ATOSA: variants seen among roughly 807,000 people sequenced by gnomAD.
ATOSA encodes the protein atos homolog protein A.
At chr15:52,636,906 A>G in the ATOSA span, among the ~76,000 whole-genome samples, 1 of 152,116 alleles carries the variant, frequency 6.6e-6, no homozygotes, top group East Asian at 1.9e-4. Context: ...CACTTGGGGA[A>G]TTTGGGGATG....
chr15:52,589,980 G>A, the ATOSA span, among the ~76,000 whole-genome samples: 1 of 151,994 alleles, frequency 6.6e-6, no homozygotes, highest in South Asian at 2.1e-4. Context: ...TAGAGACGGG[G>A]TTTTACCATG....
the ATOSA span, among the ~76,000 whole-genome samples, chr15:52,616,587 A>G: frequency 6.6e-6 from 1 of 152,082 alleles, no homozygotes; most frequent in Non-Finnish European, 1.5e-5. Flanking sequence ...GTATATATAA[A>G]AGTGTGACCC....
At chr15:52,680,759 A>C in the ATOSA span, among the ~76,000 whole-genome samples, 2 of 152,260 alleles carry the variant, frequency 1.3e-5, no homozygotes, top group African/African-American at 2.4e-5. Context: ...TGACAAATGG[A>C]AACAGTTCTT....
At chr15:52,651,695 G>A in the ATOSA span, among the ~76,000 whole-genome samples, 1 of 152,108 alleles carries the variant, frequency 6.6e-6, no homozygotes, top group Non-Finnish European at 1.5e-5. Context: ...AAAGAAAACA[G>A]GCTATATGAA....
the ATOSA span, among the ~76,000 whole-genome samples, chr15:52,613,177 C>T: frequency 6.6e-6 from 1 of 152,046 alleles, no homozygotes; most frequent in Non-Finnish European, 1.5e-5. Flanking sequence ...ACCAGTCTGG[C>T]CAATATGACA....
chr15:52,611,667 C>T, the ATOSA span: 2 of 1,613,978 alleles, frequency 1.2e-6, no homozygotes, highest in East Asian at 2.2e-5. Flanking sequence ...CTGTGGTGGG[C>T]CCATCATCGC....
chr15:52,599,841 A>T, the ATOSA span, among the ~76,000 whole-genome samples: 5 of 152,182 alleles, frequency 3.3e-5, no homozygotes, highest in African/African-American at 1.2e-4. Context: ...CCAAGTAAGA[A>T]GATGTGGTCA....
At chr15:52,609,090 T>C in the ATOSA span, 1 of 1,613,540 alleles carries the variant, frequency 6.2e-7, no homozygotes, top group Non-Finnish European at 8.5e-7. Flanking sequence ...AGGAAGTTGA[T>C]AAACTAGAAC....
chr15:52,677,320 A>G, the ATOSA span, among the ~76,000 whole-genome samples: 1 of 152,184 alleles, frequency 6.6e-6, no homozygotes, highest in Non-Finnish European at 1.5e-5. Flanking sequence ...AACCACTACT[A>G]TATTAACATC....
At chr15:52,598,217 A>T in the ATOSA span, among the ~76,000 whole-genome samples, 5 of 152,236 alleles carry the variant, frequency 3.3e-5, no homozygotes, top group East Asian at 1.9e-4. Flanking sequence ...TGATGAGCTT[A>T]AAAAAATCAC....
At chr15:52,646,078 T>C in the ATOSA span, among the ~76,000 whole-genome samples, 1,145 of 152,304 alleles carry the variant, frequency 7.5e-3, 11 homozygotes, top group Non-Finnish European at 9.9e-3. Flanking sequence ...GGTTACAACA[T>C]AGGCTGGTTT....
chr15:52,588,994 G>T, the ATOSA span, among the ~76,000 whole-genome samples: 4 of 152,272 alleles, frequency 2.6e-5, no homozygotes, highest in Admixed American at 2.0e-4. Context: ...AGTGGATAAA[G>T]GTAAAAGGGA....
the ATOSA span, among the ~76,000 whole-genome samples, chr15:52,628,565 C>T: frequency 6.6e-6 from 1 of 152,108 alleles, no homozygotes; most frequent in South Asian, 2.1e-4. Flanking sequence ...GTTACCATAA[C>T]TATTTACTAC....
the ATOSA span, among the ~76,000 whole-genome samples, chr15:52,618,686 C>T: frequency 6.6e-6 from 1 of 152,218 alleles, no homozygotes; most frequent in African/African-American, 2.4e-5. Flanking sequence ...TTTTCTTCTT[C>T]TTCTTCTTCT....
chr15:52,619,610 T>C, the ATOSA span, among the ~76,000 whole-genome samples: 5 of 151,968 alleles, frequency 3.3e-5, no homozygotes, highest in African/African-American at 1.2e-4. Context: ...TGTAGGTGGA[T>C]CAACTTGAGG....
chr15:52,600,225 A>G, the ATOSA span: 1 of 1,602,880 alleles, frequency 6.2e-7, no homozygotes, highest in Non-Finnish European at 8.5e-7. Flanking sequence ...ATGTTTAAAC[A>G]TGGTCGAGGA....
chr15:52,688,589 G>A, the ATOSA span, among the ~76,000 whole-genome samples: 1 of 152,168 alleles, frequency 6.6e-6, no homozygotes, highest in African/African-American at 2.4e-5. Context: ...AGGAGAAAAA[G>A]TACTTAGTTT....
chr15:52,670,798 A>G, the ATOSA span, among the ~76,000 whole-genome samples: 2 of 152,282 alleles, frequency 1.3e-5, no homozygotes, highest in East Asian at 3.9e-4. Flanking sequence ...ACATTTATAT[A>G]GCATCTCATG....
the ATOSA span, among the ~76,000 whole-genome samples, chr15:52,619,138 A>G: frequency 0.59 from 90,138 of 152,082 alleles, 29,608 homozygotes; most frequent in Non-Finnish European, 0.74. Context: ...AGTACAAGTG[A>G]TATGTGGTGA....
Sources: gnomAD v4.1 joint callset for allele counts (sites outside exome capture counted in the v4.1 genomes callset) on GRCh38, gnomAD v4.1.1 for gene constraint, MANE v1.5 for transcripts, NCBI Gene and HGNC (gene_info 2026-07-23, HGNC 2026-07-21) for gene names.